RIMS1: variants seen among roughly 807,000 people sequenced by gnomAD.
The protein encoded by RIMS1 is regulating synaptic membrane exocytosis 1.
In RIMS1, 83 loss-of-function variants were observed where a neutral mutation model predicts 214.1. That is an observed-to-expected ratio of 0.39 (90% CI 0.32 to 0.47). RIMS1 has a LOEUF of 0.47. Among genes scored for constraint, RIMS1 ranks in the 20% least tolerant of loss-of-function variants. The probability of loss-of-function intolerance (pLI) is 0.99; values close to 1 mark genes in which losing one functional copy is unlikely to be tolerated. For missense variants in RIMS1, 2,050 were observed against 2,161.8 expected, an observed-to-expected ratio of 0.95 and a Z score of 1.03; for synonymous variants, 793 against 786.8, an observed-to-expected ratio of 1.01 and a Z score of -0.13.
chr6:72,316,736 C>T, intron 28 of RIMS1: 1 of 658,068 alleles, frequency 1.5e-6, no homozygotes, highest in Non-Finnish European at 2.9e-6. Flanking sequence ...AGCCTGGGGG[C>T]CCTCTGGTTT....
intron 2 of RIMS1, among the ~76,000 whole-genome samples, chr6:72,079,814 A>T (rs566299772): frequency 4.0e-5 from 6 of 151,756 alleles, no homozygotes; most frequent in Non-Finnish European, 7.4e-5. Context: ...GAGCCAGGCG[A>T]TTGAGGCTAC....
intron 26 of RIMS1, among the ~76,000 whole-genome samples, chr6:72,300,944 C>T (rs1041785252): frequency 6.6e-6 from 1 of 151,678 alleles, no homozygotes; most frequent in African/African-American, 2.4e-5. Flanking sequence ...CCTCTTTCAC[C>T]TATGCCAATG....
intron 29 of RIMS1, among the ~76,000 whole-genome samples, chr6:72,340,445 T>C (rs891575095): frequency 6.6e-5 from 10 of 152,152 alleles, no homozygotes; most frequent in South Asian, 4.1e-4. Context: ...TTAATCCATC[T>C]TGAATTAATT....
intron 6 of RIMS1, among the ~76,000 whole-genome samples, chr6:72,218,154 G>A (rs892723488): frequency 3.4e-5 from 5 of 148,826 alleles, no homozygotes; most frequent in Non-Finnish European, 5.9e-5. Context: ...TGCCAAATAG[G>A]CATTGAGTAA....
At chr6:72,353,355 CA>C (rs1387197090) in intron 29 of RIMS1, among the ~76,000 whole-genome samples, 1 of 152,102 alleles carries the variant, frequency 6.6e-6, no homozygotes, top group African/African-American at 2.4e-5. Flanking sequence ...AAAATTTGTG[CA>C]CTGACAATGT....
intron 4 of RIMS1, among the ~76,000 whole-genome samples, chr6:72,175,604 C>T (rs1262050649): frequency 1.3e-5 from 2 of 151,642 alleles, no homozygotes; most frequent in African/African-American, 2.4e-5. Flanking sequence ...ACCCAAGAGG[C>T]GGAGGTTGCA....
intron 28 of RIMS1, among the ~76,000 whole-genome samples, chr6:72,330,072 C>T (rs2096608369): frequency 6.6e-6 from 1 of 151,712 alleles, no homozygotes. Context: ...TTGAGGAGCT[C>T]CTACATTTAG....
intron 4 of RIMS1, among the ~76,000 whole-genome samples, chr6:72,121,105 C>A (rs2038202434): frequency 6.6e-6 from 1 of 151,824 alleles, no homozygotes; most frequent in African/African-American, 2.4e-5. Context: ...CAGCTTTGTT[C>A]TTTTTACTTA....
At chr6:71,906,278 A>C (rs1775220008) in intron 1 of RIMS1, among the ~76,000 whole-genome samples, 1 of 152,114 alleles carries the variant, frequency 6.6e-6, no homozygotes. Flanking sequence ...TATAACCTTT[A>C]GTGTTGAGCA....
rs1239536242 is a variant in RIMS1 at position 72,313,215 on chromosome 6, A to G, written c.3964-291A>G. Among the ~76,000 whole-genome samples, 3 of 152,204 alleles carry G rather than the reference A, an allele frequency of 2.0e-5. No individual in the cohort carries two copies. The East Asian group carries it at 5.8e-4, about 29-fold the overall frequency. On this transcript the variant is annotated intron_variant, in intron 27 of 33. Transcript: ENST00000521978. ...GTACTAGAAAAAAAATGAATAATAC[A>G]CTTTTGAGGTTCTAAATATGTACAA...
chr6:72,353,431 CT>C (rs1236890643), intron 29 of RIMS1, among the ~76,000 whole-genome samples: 1 of 152,202 alleles, frequency 6.6e-6, no homozygotes, highest in Non-Finnish European at 1.5e-5. Context: ...CCCACAATTT[CT>C]ATTCATTCGT....
intron 6 of RIMS1, among the ~76,000 whole-genome samples, chr6:72,201,180 T>G (rs959808061): frequency 2.6e-5 from 4 of 152,182 alleles, no homozygotes; most frequent in African/African-American, 7.2e-5. Flanking sequence ...TTGAAAGAAA[T>G]TTCTATTCTT....
chr6:72,101,186 C>G (rs2033485429), intron 4 of RIMS1, among the ~76,000 whole-genome samples: 1 of 151,842 alleles, frequency 6.6e-6, no homozygotes, highest in African/African-American at 2.4e-5. Context: ...CTCACTATCC[C>G]TTTGACAGCG....
chr6:72,324,118 A>C (rs1338160519), intron 28 of RIMS1, among the ~76,000 whole-genome samples: 1 of 151,926 alleles, frequency 6.6e-6, no homozygotes, highest in Non-Finnish European at 1.5e-5. Flanking sequence ...CCAGCACTAC[A>C]AAAAATACTA....
intron 29 of RIMS1, among the ~76,000 whole-genome samples, chr6:72,389,973 G>T (rs1350031429): frequency 1.3e-5 from 2 of 152,132 alleles, no homozygotes; most frequent in Non-Finnish European, 2.9e-5. Flanking sequence ...AAGGCCATGA[G>T]GTAGCTGTGT....
chr6:72,032,607 A>T (rs544982021), intron 2 of RIMS1, among the ~76,000 whole-genome samples: 59 of 152,070 alleles, frequency 3.9e-4, no homozygotes, highest in Non-Finnish European at 7.8e-4. Flanking sequence ...ATCAGATTTC[A>T]CCCCCACTCC....
chr6:72,048,544 T>G (rs1823719777), intron 2 of RIMS1, among the ~76,000 whole-genome samples: 1 of 151,704 alleles, frequency 6.6e-6, no homozygotes, highest in Admixed American at 6.6e-5. Flanking sequence ...CAAAATAAAA[T>G]AGAAAAAAAA....
At chr6:72,228,595 G>A (rs1261813425) in intron 6 of RIMS1, among the ~76,000 whole-genome samples, 1 of 151,778 alleles carries the variant, frequency 6.6e-6, no homozygotes, top group Non-Finnish European at 1.5e-5. Flanking sequence ...TCAACCTCTT[G>A]GCTATAGTGA....
chr6:72,287,178 C>T (rs1490147410), intron 24 of RIMS1, among the ~76,000 whole-genome samples: 1 of 152,112 alleles, frequency 6.6e-6, no homozygotes, highest in Non-Finnish European at 1.5e-5. Flanking sequence ...TTTATTTGGA[C>T]TACTATTTAG....
Sources: gnomAD v4.1 joint callset for allele counts (sites outside exome capture counted in the v4.1 genomes callset) on GRCh38, gnomAD v4.1.1 for gene constraint, MANE v1.5 for transcripts, NCBI Gene and HGNC (gene_info 2026-07-23, HGNC 2026-07-21) for gene names.